The following SAP18 variants were observed in gnomAD, a reference collection of about 807,000 sequenced individuals.
The protein encoded by SAP18 is histone deacetylase complex subunit SAP18.
SAP18 carries 4 observed loss-of-function variants against 18.6 expected under a neutral mutation model. The ratio of observed to expected loss-of-function variants is 0.21; its 90% CI spans 0.11 to 0.49. The LOEUF (loss-of-function observed/expected upper bound fraction) is 0.49. Among genes scored for constraint, SAP18 ranks in the 20% least tolerant of loss-of-function variants. The pLI, the probability that SAP18 is intolerant of heterozygous loss-of-function variation, is 0.98. For missense variants in SAP18, 170 were observed against 226.4 expected (o/e 0.75, Z 1.60); for synonymous variants, 112 against 82.8 (o/e 1.35, Z -1.92).
intron 2 of SAP18, among the ~76,000 whole-genome samples, chr13:21,145,933 C>T (rs545786903): frequency 6.6e-6 from 1 of 152,300 alleles, no homozygotes; most frequent in South Asian, 2.1e-4. Context: ...TCAATATTTG[C>T]AGGGTAAGAA....
chr13:21,146,671 CTAGTA>C, intron 2 of SAP18, 129 bp from the exon 3 acceptor site: 1 of 636,110 alleles, frequency 1.6e-6, no homozygotes, highest in Non-Finnish European at 2.5e-6. Flanking sequence ...AAATTAATCT[CTAGTA>C]TAAGACCCTG....
At chr13:21,140,456 A>T (rs373660324), upstream of SAP18, 4 of 1,380,152 alleles carry the variant, frequency 2.9e-6, no homozygotes, top group South Asian at 1.4e-5. Flanking sequence ...CGGCTCGCTC[A>T]CCACGCACGG....
intron 1 of SAP18, 60 bp downstream of exon 1, chr13:21,140,741 C>CA: frequency 6.3e-7 from 1 of 1,596,152 alleles, no homozygotes; most frequent in Non-Finnish European, 8.5e-7. Context: ...CCGCAGGGTG[C>CA]AGAGGCGCGG....
intron 2 of SAP18, among the ~76,000 whole-genome samples, chr13:21,146,013 A>G (rs1029378771): frequency 3.3e-5 from 5 of 152,196 alleles, no homozygotes; most frequent in African/African-American, 1.2e-4. Context: ...TAGTACTCTT[A>G]TCTGTTGTAA....
chr13:21,142,691 G>A (rs886860256), intron 2 of SAP18, among the ~76,000 whole-genome samples: 2 of 152,080 alleles, frequency 1.3e-5, no homozygotes, highest in African/African-American at 4.8e-5. Flanking sequence ...TGCAACCACT[G>A]TTTCTACAAG....
intron 2 of SAP18, chr13:21,141,277 A>C (rs557666731): frequency 2.1e-5 from 10 of 476,908 alleles, no homozygotes; most frequent in Middle Eastern, 6.0e-4. Flanking sequence ...CAAAAGTGAT[A>C]GGTAGATAAA....
At chr13:21,140,417 T>C, upstream of SAP18, 1 of 975,710 alleles carries the variant, frequency 1.0e-6, no homozygotes, top group East Asian at 2.6e-5. Flanking sequence ...ACCCGCCTTT[T>C]CCCGAAGTCG....
exon 1 of SAP18, chr13:21,140,588 T>G: frequency 6.2e-7 from 1 of 1,608,764 alleles, no homozygotes; most frequent in Non-Finnish European, 8.5e-7. Context: ...AGGGCGAGCG[T>G]CTCGCAGGCC....
intron 2 of SAP18, among the ~76,000 whole-genome samples, chr13:21,145,065 C>CTTT (rs1167195491): frequency 0.043 from 5,516 of 127,670 alleles, 219 homozygotes; most frequent in Non-Finnish European, 0.067. Context: ...TTCTTGACCT[C>CTTT]TTTTTTTTTT....
chr13:21,140,410 C>A (rs553739891), upstream of SAP18: 5 of 891,486 alleles, frequency 5.6e-6, no homozygotes, highest in East Asian at 1.1e-4. Flanking sequence ...CGTCAGCACC[C>A]GCCTTTTCCC....
chr13:21,148,877 G>C (rs572985931), exon 4 of SAP18: 3 of 152,278 alleles, frequency 2.0e-5, no homozygotes, highest in East Asian at 3.9e-4. Flanking sequence ...CCTTTGCTTG[G>C]TTCCAACATG....
chr13:21,140,492 C>T, upstream of SAP18: 2 of 1,507,258 alleles, frequency 1.3e-6, no homozygotes, highest in Non-Finnish European at 1.8e-6. Context: ...AGGAGACGCC[C>T]CGCCCAGCCC....
chr13:21,143,663 G>A (rs1224538625), intron 2 of SAP18, among the ~76,000 whole-genome samples: 1 of 152,164 alleles, frequency 6.6e-6, no homozygotes, highest in Non-Finnish European at 1.5e-5. Context: ...TTTTATCAGG[G>A]AAAGCGGATG....
exon 1 of SAP18, chr13:21,140,537 G>C (rs771292591): frequency 3.4e-5 from 53 of 1,571,374 alleles, no homozygotes; most frequent in Non-Finnish European, 4.1e-5. Flanking sequence ...TTCTCCTCGC[G>C]AGAGACTTAG....
upstream of SAP18, chr13:21,140,464 C>T (rs941311914): frequency 2.1e-6 from 3 of 1,428,084 alleles, no homozygotes; most frequent in African/African-American, 2.9e-5. Context: ...TCACCACGCA[C>T]GGAAGTGCGC....
intron 2 of SAP18, among the ~76,000 whole-genome samples, chr13:21,142,934 T>A (rs1869520479): frequency 6.6e-6 from 1 of 152,170 alleles, no homozygotes. Flanking sequence ...TAGCCTCTAA[T>A]GTATTATCTG....
At chr13:21,146,538 A>G (rs550087471) in intron 2 of SAP18, 83 of 256,986 alleles carry the variant, frequency 3.2e-4, no homozygotes, top group Non-Finnish European at 5.5e-4. Flanking sequence ...GTGTAGCAAC[A>G]GAAGATAGCA....
At chr13:21,141,898 C>T (rs1869481577) in intron 2 of SAP18, among the ~76,000 whole-genome samples, 1 of 151,510 alleles carries the variant, frequency 6.6e-6, no homozygotes, top group Non-Finnish European at 1.5e-5. Context: ...AACTCTTGAC[C>T]TCAAGTGATC....
intron 2 of SAP18, among the ~76,000 whole-genome samples, chr13:21,144,362 C>T (rs1329167925): frequency 3.5e-5 from 5 of 140,934 alleles, no homozygotes; most frequent in Non-Finnish European, 4.5e-5. Context: ...CCGAGATCAG[C>T]GCCACTGCAC....
Sources: allele counts gnomAD v4.1 joint callset (sites outside exome capture counted in the v4.1 genomes callset), GRCh38; gene constraint gnomAD v4.1.1; transcripts MANE v1.5; gene names NCBI Gene and HGNC (gene_info 2026-07-23, HGNC 2026-07-21).